The following CENPE variants were observed in gnomAD, a reference collection of about 807,000 sequenced individuals.
CENPE encodes the protein centromere protein E, also known as centromere-associated protein E.
Under a neutral mutation model 336.1 loss-of-function variants are expected in CENPE, and 145 were observed. That is an observed-to-expected ratio of 0.43 (90% CI 0.38 to 0.50). CENPE has a LOEUF of 0.50. Among genes scored for constraint, CENPE ranks in the 20% least tolerant of loss-of-function variants. CENPE has a pLI of 0.00. For missense variants in CENPE, 2,719 were observed against 3,023.3 expected (o/e 0.90, Z 2.36); for synonymous variants, 1,013 against 984.8 (o/e 1.03, Z -0.54).
chr4:103,112,712 A>G (rs192905829), intron 46 of CENPE, among the ~76,000 whole-genome samples: 3,601 of 123,658 alleles, frequency 0.029, 141 homozygotes, highest in African/African-American at 0.11. Context: ...ATATATACTT[A>G]TAAGTATATA....
chr4:103,145,004 C>T, intron 32 of CENPE, 46 bp downstream of exon 32: 1 of 1,429,058 alleles, frequency 7.0e-7, no homozygotes, highest in African/African-American at 1.4e-5. Flanking sequence ...ATCACCTTAA[C>T]ACTATTTCTG....
intron 25 of CENPE, among the ~76,000 whole-genome samples, chr4:103,152,558 G>A (rs937083316): frequency 6.6e-5 from 10 of 152,138 alleles, no homozygotes; most frequent in African/African-American, 1.4e-4. Flanking sequence ...AATAAAAAGA[G>A]TTGTACGAGA....
At chr4:103,141,491 A>AC (rs1412107745) in intron 35 of CENPE, among the ~76,000 whole-genome samples, 1 of 152,086 alleles carries the variant, frequency 6.6e-6, no homozygotes, top group African/African-American at 2.4e-5. Flanking sequence ...GCTGATAGAC[A>AC]TTTGAGTTTT....
At position 103,111,409 on chromosome 4, in the gene CENPE, C is replaced by T. The variant is rs150673301; in HGVS notation, c.7541-398G>A. Among the ~76,000 whole-genome samples the T allele has an allele frequency of 4.3e-3, 650 of 151,178 alleles. 5 individuals carry two copies. The highest frequency in any genetic ancestry group is 0.01 in the Middle Eastern group (3 of 292). On this transcript the variant is annotated intron_variant, in intron 46 of 48. Transcript: ENST00000265148. ...GAGGTGAGGTAGGGTGGGAGGGCCA[C>T]CCCGTCATTCAGTGCATTATATGTA... is the stretch of plus-strand genomic sequence containing the variant.
At chr4:103,146,618 A>T (rs1428449737) in intron 29 of CENPE, among the ~76,000 whole-genome samples, 2 of 152,210 alleles carry the variant, frequency 1.3e-5, no homozygotes, top group African/African-American at 2.4e-5. Flanking sequence ...GAGAACAAAG[A>T]ATAGGAAGAA....
chr4:103,175,781 T>C (rs1429045975), intron 15 of CENPE, among the ~76,000 whole-genome samples, 179 bp downstream of exon 15: 1 of 152,166 alleles, frequency 6.6e-6, no homozygotes, highest in African/African-American at 2.4e-5. Flanking sequence ...GTCTGCCTTA[T>C]GAAATTTTTA....
rs1275317274 is a variant in CENPE at position 103,144,417 on chromosome 4, C to G, written c.5059G>C (p.Glu1687Gln). The G allele has an allele frequency of 3.7e-6, 6 of 1,613,902 alleles. No individual in the cohort carries two copies. The East Asian group carries it at 6.7e-5, about 18-fold the overall frequency. The stretch of plus-strand genomic sequence containing the variant: ...TCCACACTCCTAAGGTCATCTCTTT[C>G]TTTTGTTACAGATCTCATTTCTTCA... ...NLEEMRSVTK[E>Q]RDDLRSVEET... is the part of the protein sequence containing the mutation. Residue 1687 changes from glutamate to glutamine, a missense_variant, in exon 33 of 49, where the codon GAA (glutamate) becomes CAA (glutamine). Transcript: ENST00000265148.
chr4:103,113,302 TTC>T (rs1438934548), intron 46 of CENPE, among the ~76,000 whole-genome samples: 5 of 142,518 alleles, frequency 3.5e-5, no homozygotes, highest in East Asian at 2.1e-4. Flanking sequence ...TTCACAGCAG[TTC>T]TGTTTATTCT....
intron 42 of CENPE, among the ~76,000 whole-genome samples, chr4:103,129,231 C>CA (rs1274873437): frequency 6.6e-6 from 1 of 152,056 alleles, no homozygotes; most frequent in Non-Finnish European, 1.5e-5. Flanking sequence ...AAAAACTTTC[C>CA]AAAACAGAAA....
At position 103,194,241 on chromosome 4, in the gene CENPE, C is replaced by T; in HGVS notation, c.681G>A (p.Lys227=). The T allele has an allele frequency of 6.2e-7, 1 of 1,612,124 alleles. No homozygotes were observed. Among genetic ancestry groups the T allele is most frequent in the Non-Finnish European group, 8.5e-7 (1 of 1,178,830 alleles). Residue 227 remains lysine, a synonymous_variant, in exon 8 of 49, where the codon AAG becomes AAA. Coordinates refer to ENST00000265148, the MANE Select transcript of CENPE (RefSeq NM_001813.3). ...CATTAATACTCACCAAATGGGATAC[C>T]TTAACAGATCCTTCACAATTAGAAG... ...GEPSNCEGSV[K]VSHLNLVDLA...
intron 2 of CENPE, 135 bp from the exon 3 acceptor site, chr4:103,196,387 A>G: frequency 1.4e-6 from 1 of 726,606 alleles, no homozygotes; most frequent in Non-Finnish European, 2.3e-6. Flanking sequence ...AAGACACAGT[A>G]TTTTTTTCAA....
intron 41 of CENPE, 89 bp from the exon 42 acceptor site, chr4:103,132,985 A>G (rs1245921256): frequency 9.4e-6 from 1 of 105,936 alleles, no homozygotes; most frequent in Admixed American, 1.2e-4. Context: ...TATATATATA[A>G]AATAAAAAGA....
chr4:103,113,566 A>G (rs544692040), intron 46 of CENPE, among the ~76,000 whole-genome samples: 7 of 142,398 alleles, frequency 4.9e-5, no homozygotes, highest in Middle Eastern at 3.7e-3. Context: ...ATATATAAGT[A>G]ATATATATTT....
At chr4:103,175,768 CAT>C (rs1041045930) in intron 15 of CENPE, among the ~76,000 whole-genome samples, 190 bp downstream of exon 15, 2 of 152,074 alleles carry the variant, frequency 1.3e-5, no homozygotes, top group African/African-American at 4.8e-5. Flanking sequence ...CCTACTAGCA[CAT>C]GTCTGCCTTA....
intron 2 of CENPE, 56 bp downstream of exon 2, chr4:103,196,703 G>C: frequency 1.2e-6 from 1 of 826,670 alleles, no homozygotes. Context: ...TAAGCCTTTT[G>C]TACTTTTAAT....
At chr4:103,179,788 T>A (rs1185083169) in intron 13 of CENPE, among the ~76,000 whole-genome samples, 1 of 151,964 alleles carries the variant, frequency 6.6e-6, no homozygotes, top group African/African-American at 2.4e-5. Context: ...GCTCCAGAGG[T>A]CATTCTCTTA....
chr4:103,140,648 C>T (rs1476043417), intron 36 of CENPE, among the ~76,000 whole-genome samples, 166 bp downstream of exon 36: 8 of 151,800 alleles, frequency 5.3e-5, no homozygotes, highest in Admixed American at 3.9e-4. Flanking sequence ...AAAAAGAATA[C>T]CCCATTCTTA....
At chr4:103,126,574 G>T (rs145510260) in intron 42 of CENPE, among the ~76,000 whole-genome samples, 5 of 152,198 alleles carry the variant, frequency 3.3e-5, no homozygotes, top group African/African-American at 1.2e-4. Context: ...ACAGTTTGAA[G>T]AGACTGAATA....
rs200820864 is a variant in CENPE, at chr4:103,144,426, C to T, written c.5050G>A (p.Val1684Ile). ...LHENLEEMRS[V>I]TKERDDLRSV... ...CTAAGGTCATCTCTTTCTTTTGTTA[C>T]AGATCTCATTTCTTCAAGGTTTTCA... Residue 1684 changes from valine to isoleucine, a missense_variant, in exon 33 of 49, where the codon GTA becomes ATA. This residue lies in a region of CENPE where 2,437 missense variants were observed against 2,513.3 expected (regional missense o/e 0.97). Transcript: ENST00000265148. 4 of 1,613,912 alleles carry T rather than the reference C, an allele frequency of 2.5e-6. No individual in the cohort carries two copies. Among genetic ancestry groups the T allele is most frequent in the African/African-American group, 2.7e-5 (2 of 75,008 alleles).
Sources: gnomAD v4.1 joint callset for allele counts (sites outside exome capture counted in the v4.1 genomes callset) on GRCh38, gnomAD v4.1.1 for gene constraint, gnomAD v4.1.1 regional missense constraint, MANE v1.5 for transcripts, NCBI Gene and HGNC (gene_info 2026-07-23, HGNC 2026-07-21) for gene names.